Variants in WIF1 observed in about 807,000 individuals in gnomAD.
WIF1 encodes Wnt inhibitory factor 1.
A neutral mutation model predicts 53.5 loss-of-function variants in WIF1; 35 were observed. That is an observed-to-expected ratio of 0.65 (90% CI 0.50 to 0.87). The LOEUF (loss-of-function observed/expected upper bound fraction) is 0.87. WIF1 is among the 40% of genes least tolerant of loss of function. The pLI, the probability that WIF1 is intolerant of heterozygous loss-of-function variation, is 0.00. For missense variants in WIF1, 467 were observed against 476.8 expected, an observed-to-expected ratio of 0.98 and a Z score of 0.19; for synonymous variants, 171 against 170.4, an observed-to-expected ratio of 1.00 and a Z score of -0.03.
At chr12:65,097,967 G>A (rs1883229409) in intron 2 of WIF1, among the ~76,000 whole-genome samples, 2 of 152,102 alleles carry the variant, frequency 1.3e-5, no homozygotes, top group Non-Finnish European at 2.9e-5. Context: ...TGTAATTCTA[G>A]GATTGGCAGA....
At chr12:65,114,223 C>T (rs1883476706) in intron 2 of WIF1, among the ~76,000 whole-genome samples, 2 of 151,804 alleles carry the variant, frequency 1.3e-5, no homozygotes, top group Non-Finnish European at 2.9e-5. Context: ...AAAAACCACA[C>T]TTTTAATATA....
intron 9 of WIF1, among the ~76,000 whole-genome samples, chr12:65,053,330 C>G (rs575523890): frequency 1.3e-5 from 2 of 152,210 alleles, no homozygotes; most frequent in African/African-American, 4.8e-5. Context: ...ATATGGTTTG[C>G]CTGTGTCCCC....
intron 9 of WIF1, among the ~76,000 whole-genome samples, chr12:65,053,211 C>T (rs552744714): frequency 1.3e-5 from 2 of 152,262 alleles, no homozygotes; most frequent in African/African-American, 4.8e-5. Context: ...AGCAATTTTC[C>T]AGAGGAGCGG....
intron 2 of WIF1, among the ~76,000 whole-genome samples, chr12:65,080,837 G>A (rs937939975): frequency 2.0e-5 from 3 of 151,976 alleles, no homozygotes; most frequent in Non-Finnish European, 4.4e-5. Flanking sequence ...TACCATATAA[G>A]TTATCATTTG....
At position 65,068,816 on chromosome 12, in the gene WIF1, G is replaced by T. The variant is rs775745560; in HGVS notation, c.486C>A (p.Asn162Lys). Residue 162 changes from asparagine (N) to lysine (K), a missense_variant, in exon 4 of 10, where the codon AAC (asparagine) becomes AAA (lysine). Transcript: ENST00000286574. ...CATTTTGAGGTGTTTGGAGAATGGT[G>T]TTGCCTTCAGAATTCATAACAATCA... The part of the protein sequence containing the change: ...VDVIVMNSEG[N>K]TILQTPQNAI... 1.2e-6 allele frequency: 2 copies of T among 1,613,602 alleles called. No homozygotes were observed. Among genetic ancestry groups the T allele is most frequent in the Non-Finnish European group, 1.7e-6 (2 of 1,179,762 alleles).
At chr12:65,105,933 C>T (rs1883345189) in intron 2 of WIF1, among the ~76,000 whole-genome samples, 1 of 152,186 alleles carries the variant, frequency 6.6e-6, no homozygotes, top group Admixed American at 6.5e-5. Flanking sequence ...CCATTCTGCA[C>T]AGGACACCAA....
At position 65,055,564 on chromosome 12, in the gene WIF1, GT is replaced by G. The variant is rs1306645551; in HGVS notation, c.923-352del. On this transcript the variant is annotated intron_variant, in intron 8 of 9. Transcript: ENST00000286574. Reference sequence around the variant, plus strand: ...AGGCAGGTGGATCACGAGGTCAGGAGTTCGAGATCAGCCTGGCCAAGGTGGT... The same window carrying G: ...AGGCAGGTGGATCACGAGGTCAGGAGTCGAGATCAGCCTGGCCAAGGTGGT... 1.1e-4 allele frequency among the ~76,000 whole-genome samples: 17 copies of G among 152,308 alleles called. No individual in the cohort carries two copies. The East Asian group carries it at 3.3e-3, about 29-fold the overall frequency.
Position 65,056,142 on chromosome 12 carries a change from A to G in WIF1, c.827-16T>C, listed in dbSNP as rs777869089. ...GGGCATTTGCCTGAAAAAGAGAAGA[A>G]TGCAGCTAAACAAGGAACCTGGTGC... On this transcript the variant is annotated splice_polypyrimidine_tract_variant and intron_variant, in intron 7 of 9. Coordinates refer to ENST00000286574, the MANE Select transcript of WIF1 (RefSeq NM_007191.5). 1.2e-6 allele frequency: 2 copies of G among 1,611,238 alleles called. No homozygotes were observed. Among genetic ancestry groups the G allele is most frequent in the African/African-American group, 2.7e-5 (2 of 74,824 alleles).
intron 1 of WIF1, 99 bp from the exon 2 acceptor site, chr12:65,120,655 C>A: frequency 7.3e-7 from 1 of 1,373,130 alleles, no homozygotes; most frequent in South Asian, 1.4e-5. Flanking sequence ...TAGTGTGGGT[C>A]ATTTCTGTTC....
chr12:65,085,796 A>G (rs1883028973), intron 2 of WIF1, among the ~76,000 whole-genome samples: 2 of 152,238 alleles, frequency 1.3e-5, no homozygotes, highest in Non-Finnish European at 2.9e-5. Context: ...TCAAATAAAC[A>G]CATCCAGGAC....
At chr12:65,096,762 G>A (rs1883210632) in intron 2 of WIF1, among the ~76,000 whole-genome samples, 1 of 151,886 alleles carries the variant, frequency 6.6e-6, no homozygotes, top group Admixed American at 6.6e-5. Flanking sequence ...AACTAACACA[G>A]GAACAGAAAC....
intron 2 of WIF1, among the ~76,000 whole-genome samples, chr12:65,090,365 G>A (rs1258979822): frequency 6.6e-6 from 1 of 152,166 alleles, no homozygotes; most frequent in Non-Finnish European, 1.5e-5. Flanking sequence ...TATATGTATG[G>A]AGTGTGCCAG....
rs1882502050 is a variant in WIF1, at chr12:65,055,045, C to T, written c.1018+73G>A. On this transcript the variant is annotated intron_variant, in intron 9 of 9. Transcript: ENST00000286574. The stretch of plus-strand genomic sequence containing the variant: ...AGAAACCGAAGTGAAAAGGCTGGCC[C>T]TTCTTCTGGTCTCCCACTCACTTTT... The T allele has an allele frequency of 6.0e-6, 9 of 1,497,868 alleles. 1 individual carries two copies. In the South Asian group the frequency reaches 7.3e-5, roughly 12 times the overall value. The allele number at this position is 1,497,868 out of a possible 1,614,324, so 92.8% of individuals were successfully genotyped here. A position where few individuals can be genotyped will look rare whatever the true frequency, so the allele number is the denominator to read the frequency against.
At chr12:65,071,154 A>G (rs983237470) in intron 3 of WIF1, among the ~76,000 whole-genome samples, 26 of 150,218 alleles carry the variant, frequency 1.7e-4, no homozygotes, top group Non-Finnish European at 3.8e-4. Flanking sequence ...GAATCACTTG[A>G]ACTCAGAAGA....
intron 2 of WIF1, among the ~76,000 whole-genome samples, chr12:65,112,775 C>T (rs1372298670): frequency 6.6e-6 from 1 of 152,120 alleles, no homozygotes; most frequent in Non-Finnish European, 1.5e-5. Context: ...CCCTCTAAGA[C>T]CTCCAAGCAT....
intron 5 of WIF1, 84 bp from the exon 6 acceptor site, chr12:65,066,820 T>C: frequency 2.2e-6 from 2 of 900,238 alleles, no homozygotes; most frequent in South Asian, 5.1e-5. Flanking sequence ...ACAACAGGTC[T>C]ACATTTTCAA....
At chr12:65,078,857 A>G (rs1346725703) in intron 2 of WIF1, among the ~76,000 whole-genome samples, 1 of 152,118 alleles carries the variant, frequency 6.6e-6, no homozygotes, top group African/African-American at 2.4e-5. Context: ...ATGGATTCCC[A>G]CTGGATTATT....
rs1324624395 is a variant in WIF1, at chr12:65,120,490, T to C, written c.215A>G (p.Lys72Arg). 4 of 1,614,030 alleles carry C rather than the reference T, an allele frequency of 2.5e-6. No homozygotes were observed. Among genetic ancestry groups the C allele is most frequent in the Middle Eastern group, 1.6e-4 (1 of 6,084 alleles). Residue 72 changes from lysine to arginine, a missense_variant, in exon 2 of 10, where the codon AAA becomes AGA. Lys to Arg is a conservative substitution (Grantham distance 26, BLOSUM62 2). Coordinates refer to ENST00000286574, the MANE Select transcript of WIF1 (RefSeq NM_007191.5). ...KMAPFTHDFR[K>R]AQQRMPAIPV... Reference sequence around the variant, plus strand: ...AATAGCTGGCATTCTCTGTTGTGCTTTTCTGAAATCATGTGTAAAAGGTGC... The same window carrying C: ...AATAGCTGGCATTCTCTGTTGTGCTCTTCTGAAATCATGTGTAAAAGGTGC...
chr12:65,108,513 C>G (rs900198217), intron 2 of WIF1, among the ~76,000 whole-genome samples: 1 of 152,194 alleles, frequency 6.6e-6, no homozygotes, highest in African/African-American at 2.4e-5. Flanking sequence ...TGCCCTTGCT[C>G]TAGTTATTGA....
Sources: allele counts gnomAD v4.1 joint callset (sites outside exome capture counted in the v4.1 genomes callset), GRCh38; gene constraint gnomAD v4.1.1; transcripts MANE v1.5; gene names NCBI Gene and HGNC (gene_info 2026-07-23, HGNC 2026-07-21).